Variants in TRPM3 observed in about 807,000 individuals in gnomAD.
TRPM3 encodes the protein transient receptor potential cation channel subfamily M member 3.
TRPM3 carries 77 observed loss-of-function variants against 181.2 expected under a neutral mutation model. The observed-to-expected ratio is 0.42, with a 90% CI of 0.35 to 0.51. TRPM3 has a LOEUF of 0.51. Among genes scored for constraint, TRPM3 ranks in the 20% least tolerant of loss-of-function variants. The pLI is 0.01. For synonymous variants in TRPM3, 745 were observed against 796.4 expected (o/e 0.94, Z 1.09); for missense variants, 1,759 against 2,196.7 (o/e 0.80, Z 3.98).
chr9:70,573,381 T>A (rs908127998), intron 22 of TRPM3, among the ~76,000 whole-genome samples: 12 of 152,144 alleles, frequency 7.9e-5, no homozygotes, highest in Non-Finnish European at 1.8e-4. Context: ...CATGCAAAAA[T>A]TTGTGTATTT....
intron 1 of TRPM3, among the ~76,000 whole-genome samples, chr9:71,159,347 A>C (rs539477848): frequency 4.3e-4 from 66 of 152,232 alleles, no homozygotes; most frequent in African/African-American, 1.5e-3. Flanking sequence ...AGGCACTAAC[A>C]AACATATGCT....
chr9:71,269,273 C>G (rs2132117767), intron 1 of TRPM3, among the ~76,000 whole-genome samples: 1 of 152,218 alleles, frequency 6.6e-6, no homozygotes, highest in East Asian at 1.9e-4. Context: ...TCTCATCAAA[C>G]CATTAGGCCT....
chr9:70,923,822 CTCTCTCTA>C (rs1447179627), intron 1 of TRPM3, among the ~76,000 whole-genome samples: 5 of 140,846 alleles, frequency 3.5e-5, no homozygotes, highest in Non-Finnish European at 6.2e-5. Flanking sequence ...CTCTCTCTCT[CTCTCTCTA>C]TATATATATA....
chr9:70,769,591 T>C (rs918071329), intron 7 of TRPM3, among the ~76,000 whole-genome samples: 6 of 152,062 alleles, frequency 3.9e-5, no homozygotes, highest in African/African-American at 1.2e-4. Context: ...TATCAAGACA[T>C]TGCAGTGTAT....
At chr9:71,125,510 C>T (rs1000994056), upstream of TRPM3, among the ~76,000 whole-genome samples, 1 of 152,172 alleles carries the variant, frequency 6.6e-6, no homozygotes, top group East Asian at 1.9e-4. Context: ...ATCCATGTCA[C>T]TGCAAAGGAC....
At chr9:70,937,982 CGTG>C (rs1429325822) in intron 1 of TRPM3, among the ~76,000 whole-genome samples, 1 of 152,140 alleles carries the variant, frequency 6.6e-6, no homozygotes, top group African/African-American at 2.4e-5. Flanking sequence ...CTTTGAGAAC[CGTG>C]GTCTCCTATT....
intron 1 of TRPM3, among the ~76,000 whole-genome samples, chr9:71,295,348 G>T (rs189998339): frequency 5.3e-5 from 8 of 151,070 alleles, no homozygotes; most frequent in Admixed American, 5.3e-4. Flanking sequence ...AGCTCATGCC[G>T]AATGTTGAAT....
chr9:71,012,404 G>GT lies in TRPM3; in HGVS notation c.177+108773dup, dbSNP rs758897284. Among the ~76,000 whole-genome samples the GT allele has an allele frequency of 2.6e-3, 369 of 142,588 alleles. 4 individuals are homozygous for GT. Among genetic ancestry groups the GT allele is most frequent in the African/African-American group, 9.5e-3 (358 of 37,684 alleles). The allele number at this position is 142,588 out of a possible 152,430, so 93.5% of individuals were successfully genotyped here. ...CTGTTTCAAATATAGGAGCTTTATA[G>GT]TTGTTTTTTTTTTTTAACATCTGGC... On this transcript the variant is annotated intron_variant, in intron 1 of 25. Coordinates refer to ENST00000677713, the MANE Select transcript of TRPM3 (RefSeq NM_001366145.2).
At chr9:70,925,167 T>C (rs2096708486) in intron 1 of TRPM3, among the ~76,000 whole-genome samples, 1 of 152,210 alleles carries the variant, frequency 6.6e-6, no homozygotes, top group Non-Finnish European at 1.5e-5. Context: ...ATTTAAATGC[T>C]ACACAGCAAA....
chr9:71,026,741 G>A (rs1006201947), intron 1 of TRPM3, among the ~76,000 whole-genome samples: 36 of 152,290 alleles, frequency 2.4e-4, no homozygotes, highest in African/African-American at 8.7e-4. Context: ...GGACTCCCCT[G>A]CACCCTAAGC....
intron 22 of TRPM3, among the ~76,000 whole-genome samples, chr9:70,587,713 A>G (rs1329105162): frequency 3.9e-5 from 6 of 152,220 alleles, no homozygotes; most frequent in South Asian, 2.1e-4. Context: ...GGGTGTCATC[A>G]TTTGGTAGCC....
chr9:71,195,853 A>AG lies in TRPM3; in HGVS notation c.183+250799dup, dbSNP rs541507196. Reference sequence around the variant, plus strand: ...GCCATTATCCTTAGCAAGCTAACACAGGAACAGAAAACCAAATATCGCATG... The same window carrying AG: ...GCCATTATCCTTAGCAAGCTAACACAGGGAACAGAAAACCAAATATCGCATG... On this transcript the variant is annotated intron_variant, in intron 1 of 24. Transcript: ENST00000357533. 2.6e-3 allele frequency among the ~76,000 whole-genome samples: 391 copies of AG among 152,198 alleles called. 1 individual carries two copies. The highest frequency in any genetic ancestry group is 4.2e-3 in the Non-Finnish European group (287 of 67,988).
intron 19 of TRPM3, among the ~76,000 whole-genome samples, chr9:70,605,550 G>T (rs941252319): frequency 6.6e-6 from 1 of 151,936 alleles, no homozygotes; most frequent in Non-Finnish European, 1.5e-5. Context: ...TCATGAAGGA[G>T]TTTACTTAAA....
chr9:70,792,661 C>CAGAGAGAGAGAGAG (rs9314786), intron 6 of TRPM3, among the ~76,000 whole-genome samples: 1 of 147,076 alleles, frequency 6.8e-6, no homozygotes, highest in African/African-American at 2.5e-5. Context: ...GACAGAAAGA[C>CAGAGAGAGAGAGAG]AGAGAGAGAG....
Position 71,187,100 on chromosome 9 carries a change from T to C in TRPM3, c.183+259553A>G, listed in dbSNP as rs58024882. Among the ~76,000 whole-genome samples, 657 of 152,154 alleles carry C rather than the reference T, an allele frequency of 4.3e-3. 6 individuals carry two copies. Among genetic ancestry groups the C allele is most frequent in the African/African-American group, 0.015 (634 of 41,550 alleles). On this transcript the variant is annotated intron_variant, in intron 1 of 24. Coordinates refer to the TRPM3 transcript ENST00000357533. ...AACAATGAACTCACGAAATCTTTAATAGCAATTCTAGAGAGCAGATTAAAC... is the reference window on the plus strand; with the variant it reads ...AACAATGAACTCACGAAATCTTTAACAGCAATTCTAGAGAGCAGATTAAAC...
In TRPM3 at chr9:70,665,270, C is replaced by T. The variant is rs529371831; in HGVS notation, c.1345+16236G>A. Among the ~76,000 whole-genome samples the T allele has an allele frequency of 1.2e-4, 18 of 152,048 alleles. No homozygotes were observed. In the South Asian group the frequency reaches 3.5e-3, roughly 30 times the overall value. ...ATCTCACTCACTCTGAAGAACTGTT[C>T]TTAGTTTCATTTTCAGAGCTAGGGT... On this transcript the variant is annotated intron_variant, in intron 9 of 25. Coordinates refer to ENST00000677713, the MANE Select transcript of TRPM3 (RefSeq NM_001366145.2).
intron 1 of TRPM3, among the ~76,000 whole-genome samples, chr9:71,250,271 T>C (rs1308429288): frequency 1.3e-5 from 2 of 152,220 alleles, no homozygotes; most frequent in East Asian, 3.8e-4. Flanking sequence ...CCCATATCTG[T>C]TGGCAGCCTA....
At position 71,405,402 on chromosome 9, in the gene TRPM3, A is replaced by T. The variant is rs148662543; in HGVS notation, c.183+41251T>A. Among the ~76,000 whole-genome samples, 85 of 152,336 alleles carry T rather than the reference A, an allele frequency of 5.6e-4. 1 individual carries two copies. Among genetic ancestry groups the T allele is most frequent in the African/African-American group, 1.9e-3 (80 of 41,580 alleles). On this transcript the variant is annotated intron_variant, in intron 1 of 24. Transcript: ENST00000357533. Reference sequence around the variant, plus strand: ...TGGAAGAGACATAAACCAGCTAAACATATCCTCCTCCTACTCCAGAAGATA... The same window carrying T: ...TGGAAGAGACATAAACCAGCTAAACTTATCCTCCTCCTACTCCAGAAGATA...
chr9:71,264,972 A>T (rs2083289424), intron 1 of TRPM3, among the ~76,000 whole-genome samples: 2 of 152,268 alleles, frequency 1.3e-5, no homozygotes, highest in African/African-American at 4.8e-5. Flanking sequence ...TTTCTTATTA[A>T]TACTAGAGAA....
Sources: allele counts gnomAD v4.1 joint callset (sites outside exome capture counted in the v4.1 genomes callset), GRCh38; gene constraint gnomAD v4.1.1; transcripts MANE v1.5; gene names NCBI Gene and HGNC (gene_info 2026-07-23, HGNC 2026-07-21).